R3HDM1: variants seen among roughly 807,000 people sequenced by gnomAD.
The protein encoded by R3HDM1 is R3H domain-containing protein 1.
R3HDM1 carries 46 observed loss-of-function variants against 141.1 expected under a neutral mutation model. The observed-to-expected ratio is 0.33, with a 90% CI of 0.26 to 0.42. The LOEUF is 0.42. Ranked by LOEUF, R3HDM1 falls within the 10% of genes least tolerant of loss-of-function variation. The pLI is 1.00. For synonymous variants in R3HDM1, 435 were observed against 472.9 expected (o/e 0.92, Z 1.04); for missense variants, 1,184 against 1,368.3 (o/e 0.87, Z 2.12).
At chr2:135,571,451 G>A (rs894647582) in intron 1 of R3HDM1, among the ~76,000 whole-genome samples, 12 of 147,710 alleles carry the variant, frequency 8.1e-5, no homozygotes, top group Non-Finnish European at 1.2e-4. Flanking sequence ...TCAGCCTCCC[G>A]AGTAGCTGGG....
intron 1 of R3HDM1, chr2:135,566,918 G>A (rs1055679255): frequency 1.0e-5 from 2 of 192,136 alleles, no homozygotes; most frequent in Non-Finnish European, 1.9e-5. Flanking sequence ...GTTGCACTGA[G>A]CCGAGTACTG....
chr2:135,714,344 T>C (rs533670137), intron 23 of R3HDM1, among the ~76,000 whole-genome samples: 1 of 152,190 alleles, frequency 6.6e-6, no homozygotes, highest in African/African-American at 2.4e-5. Context: ...CAAACCCAAA[T>C]TGAGGGACAG....
At chr2:135,547,448 G>A (rs1384241105) in intron 1 of R3HDM1, among the ~76,000 whole-genome samples, 3 of 148,560 alleles carry the variant, frequency 2.0e-5, no homozygotes, top group African/African-American at 4.9e-5. Flanking sequence ...GACTGTCTTC[G>A]ATTTTTTTTT....
At chr2:135,536,018 A>G (rs1395001231) in intron 1 of R3HDM1, among the ~76,000 whole-genome samples, 1 of 152,042 alleles carries the variant, frequency 6.6e-6, no homozygotes, top group Non-Finnish European at 1.5e-5. Flanking sequence ...TGAAAGCCCT[A>G]TAGTTTATGA....
intron 1 of R3HDM1, among the ~76,000 whole-genome samples, chr2:135,595,176 A>T (rs907520451): frequency 1.3e-5 from 2 of 152,228 alleles, no homozygotes; most frequent in Non-Finnish European, 2.9e-5. Flanking sequence ...AACTGTAGGC[A>T]AAACTGAAAT....
chr2:135,575,122 T>C (rs1705094870), intron 1 of R3HDM1, among the ~76,000 whole-genome samples: 1 of 152,214 alleles, frequency 6.6e-6, no homozygotes, highest in East Asian at 1.9e-4. Context: ...TAAATGCTTA[T>C]TGAAGCACTT....
intron 1 of R3HDM1, chr2:135,590,714 C>T: frequency 4.1e-6 from 4 of 985,322 alleles, no homozygotes; most frequent in Non-Finnish European, 3.6e-6. Context: ...AGTGTTCACC[C>T]ATGCCCAGCA....
At chr2:135,578,110 G>T (rs1458263322) in intron 1 of R3HDM1, among the ~76,000 whole-genome samples, 1 of 152,118 alleles carries the variant, frequency 6.6e-6, no homozygotes, top group African/African-American at 2.4e-5. Context: ...GCAAAATATT[G>T]CAAGTAGCCT....
intron 21 of R3HDM1, among the ~76,000 whole-genome samples, chr2:135,681,488 CTTTAAAGTA>C (rs1344629658): frequency 6.6e-6 from 1 of 152,110 alleles, no homozygotes; most frequent in Admixed American, 6.5e-5. Flanking sequence ...TAGTCATCTG[CTTTAAAGTA>C]TTTAAAGTAG....
chr2:135,672,477 C>T (rs1199138332), intron 19 of R3HDM1, among the ~76,000 whole-genome samples: 2 of 152,224 alleles, frequency 1.3e-5, no homozygotes, highest in Non-Finnish European at 2.9e-5. Context: ...AATGTCACTA[C>T]CTTTATAAAT....
At position 135,715,296 on chromosome 2, in the gene R3HDM1, T is replaced by C. The variant is rs1054576389; in HGVS notation, c.2737-254T>C. On this transcript the variant is annotated intron_variant, in intron 23 of 26. Transcript: ENST00000683871. ...CTGAGGCGGGAGAATGGCGTGAACCTGGGAGGCAGAGCTTGCAGTGAGCTG... is the reference window on the plus strand; with the variant it reads ...CTGAGGCGGGAGAATGGCGTGAACCCGGGAGGCAGAGCTTGCAGTGAGCTG... 4.6e-5 allele frequency among the ~76,000 whole-genome samples: 7 copies of C among 151,762 alleles called. 1 individual carries two copies. Among genetic ancestry groups the C allele is most frequent in the African/African-American group, 1.7e-4 (7 of 41,292 alleles).
intron 24 of R3HDM1, among the ~76,000 whole-genome samples, chr2:135,716,120 C>T (rs2076134625): frequency 6.6e-6 from 1 of 152,036 alleles, no homozygotes; most frequent in South Asian, 2.1e-4. Flanking sequence ...TGAGGCCACT[C>T]AAGACCCTGT....
chr2:135,610,307 A>G (rs867860608), intron 3 of R3HDM1, among the ~76,000 whole-genome samples: 1 of 152,224 alleles, frequency 6.6e-6, no homozygotes, highest in Admixed American at 6.5e-5. Context: ...ATTATTAACA[A>G]TAGGATAGGG....
rs1335899899 is a variant in R3HDM1 at position 135,616,771 on chromosome 2, A to G, written c.303+14A>G. 1.3e-6 allele frequency: 2 copies of G among 1,556,560 alleles called. No individual in the cohort carries two copies. The highest frequency in any genetic ancestry group is 1.8e-6 in the Non-Finnish European group (2 of 1,133,138). On this transcript the variant is annotated intron_variant, in intron 5 of 26. Transcript: ENST00000683871. ...CAGGAGAACCAGGTAAAAAAGCAAA[A>G]CAAATGTTATTTCAAGACATGGTGG... is the stretch of plus-strand genomic sequence containing the variant.
At chr2:135,562,657 G>C (rs1702012090) in intron 1 of R3HDM1, among the ~76,000 whole-genome samples, 1 of 152,096 alleles carries the variant, frequency 6.6e-6, no homozygotes, top group Non-Finnish European at 1.5e-5. Flanking sequence ...TACACCTTCA[G>C]GTTCATGAAG....
intron 1 of R3HDM1, among the ~76,000 whole-genome samples, chr2:135,567,733 G>A (rs1005395365): frequency 2.0e-5 from 3 of 151,484 alleles, no homozygotes; most frequent in Admixed American, 1.3e-4. Context: ...TACCTTTGTT[G>A]TTTTTTTATT....
At chr2:135,688,203 A>G (rs573329941) in intron 21 of R3HDM1, among the ~76,000 whole-genome samples, 1 of 152,318 alleles carries the variant, frequency 6.6e-6, no homozygotes, top group African/African-American at 2.4e-5. Context: ...ATGGCTCCCA[A>G]ACAATGCTGA....
Position 135,702,766 on chromosome 2 carries a change from G to A in R3HDM1, c.2460-6667G>A, listed in dbSNP as rs1300718672. Among the ~76,000 whole-genome samples the A allele has an allele frequency of 5.3e-5, 8 of 151,976 alleles. No individual in the cohort carries two copies. The East Asian group carries it at 1.4e-3, about 26-fold the overall frequency. On this transcript the variant is annotated intron_variant, in intron 21 of 26. Coordinates refer to ENST00000683871, the MANE Select transcript of R3HDM1 (RefSeq NM_001378107.1). ...TGGGAGGTGGAGGTTGCAGCGAGCC[G>A]AGATCGCACTCCAGCCTAGGTGACA...
At chr2:135,672,540 G>T (rs1027769907) in intron 19 of R3HDM1, among the ~76,000 whole-genome samples, 1 of 151,832 alleles carries the variant, frequency 6.6e-6, no homozygotes, top group Non-Finnish European at 1.5e-5. Flanking sequence ...TATTTATACT[G>T]CTATCCTCAT....
Sources: gnomAD v4.1 joint callset for allele counts (sites outside exome capture counted in the v4.1 genomes callset) on GRCh38, gnomAD v4.1.1 for gene constraint, MANE v1.5 for transcripts, NCBI Gene and HGNC (gene_info 2026-07-23, HGNC 2026-07-21) for gene names.